Variants in CAPN12 observed in about 807,000 individuals in gnomAD.
CAPN12 encodes calpain-12.
CAPN12 carries 107 observed loss-of-function variants against 95.0 expected under a neutral mutation model. That is an observed-to-expected ratio of 1.13 (90% CI 0.96 to 1.32). The LOEUF (loss-of-function observed/expected upper bound fraction) is 1.32, where lower values mean the gene tolerates loss of function less well. CAPN12 is among the 40% of genes most tolerant of loss of function. The probability of loss-of-function intolerance (pLI) is 0.00; values close to 1 mark genes in which losing one functional copy is unlikely to be tolerated. For synonymous variants in CAPN12, 505 were observed against 415.5 expected (o/e 1.22, Z -2.62); for missense variants, 1,136 against 997.8 (o/e 1.14, Z -1.87).
In CAPN12 at chr19:38,744,356, G is replaced by A; in HGVS notation, c.-191C>T. On this transcript the variant is annotated 5_prime_UTR_variant, in exon 1 of 21. Coordinates refer to ENST00000328867, the MANE Select transcript of CAPN12 (RefSeq NM_144691.4). Reference sequence around the variant, plus strand: ...TCAGTAGCTTTCTTCCCAGGGCGTGGGGCCTTCAGTTGTGGCCAAGGTAGC... The same window carrying A: ...TCAGTAGCTTTCTTCCCAGGGCGTGAGGCCTTCAGTTGTGGCCAAGGTAGC... 1.6e-6 allele frequency: 1 copy of A among 621,480 alleles called. No individual in the cohort carries two copies. Among genetic ancestry groups the A allele is most frequent in the Admixed American group, 2.8e-5 (1 of 35,114 alleles). The allele number at this position is 621,480 out of a possible 1,614,324, so 38.5% of individuals were successfully genotyped here. A position where few individuals can be genotyped will look rare whatever the true frequency, so the allele number is the denominator to read the frequency against.
chr19:38,744,453 G>C lies in CAPN12; in HGVS notation c.-288C>G. On this transcript the variant is annotated 5_prime_UTR_variant, in exon 1 of 21. Coordinates refer to ENST00000328867, the MANE Select transcript of CAPN12 (RefSeq NM_144691.4). ...GAGGGAGGACCGGCTGCCGCTGTCA[G>C]AGCACCAAGAAGGAGGTCAGTGTGG... 2 of 509,182 alleles carry C rather than the reference G, an allele frequency of 3.9e-6. No homozygotes were observed. Among genetic ancestry groups the C allele is most frequent in the Non-Finnish European group, 7.1e-6 (2 of 279,850 alleles). The allele number at this position is 509,182 out of a possible 1,614,324, so 31.5% of individuals were successfully genotyped here. A position where few individuals can be genotyped will look rare whatever the true frequency, so the allele number is the denominator to read the frequency against.
At position 38,740,336 on chromosome 19, in the gene CAPN12, G is replaced by A; in HGVS notation, c.561-117C>T. 2.7e-6 allele frequency: 3 copies of A among 1,122,294 alleles called. No individual in the cohort carries two copies. The South Asian group carries it at 5.1e-5, about 19-fold the overall frequency. The allele number at this position is 1,122,294 out of a possible 1,614,324, so 69.5% of individuals were successfully genotyped here. ...TGTGGAATCCCCAGGGGAAATTCCT[G>A]AAGTTTTGAGACTTTTTCCAGGGTC... On this transcript the variant is annotated intron_variant, in intron 4 of 20. Coordinates refer to ENST00000328867, the MANE Select transcript of CAPN12 (RefSeq NM_144691.4).
chr19:38,742,772 G>A (rs1266646288), intron 2 of CAPN12, among the ~76,000 whole-genome samples: 1 of 145,768 alleles, frequency 6.9e-6, no homozygotes, highest in Non-Finnish European at 1.5e-5. Context: ...GATTGCTTGA[G>A]TCCAGGAGGT....
At chr19:38,735,026 CG>C (rs1969918195) in intron 14 of CAPN12, 156 bp from the exon 15 acceptor site, 22 of 677,798 alleles carry the variant, frequency 3.2e-5, no homozygotes, top group Admixed American at 1.7e-4. Context: ...AGGGCTGTGA[CG>C]GGGGAAGCAC....
Position 38,730,345 on chromosome 19 carries a change from G to A in CAPN12, c.*507C>T, listed in dbSNP as rs372094916. On this transcript the variant is annotated 3_prime_UTR_variant, in exon 21 of 21. Transcript: ENST00000328867. ...GCTGATGCTCCTCCGGGTCTGCGTC[G>A]GGCGTGGGTCTCTGGGGACCCTCCA... The A allele has an allele frequency of 7.1e-5, 12 of 169,874 alleles. No individual in the cohort carries two copies. The South Asian group carries it at 1.1e-3, about 15-fold the overall frequency. The allele number at this position is 169,874 out of a possible 1,614,324, so 10.5% of individuals were successfully genotyped here.
chr19:38,734,928 G>T, intron 14 of CAPN12, 58 bp from the exon 15 acceptor site: 1 of 1,558,202 alleles, frequency 6.4e-7, no homozygotes, highest in Non-Finnish European at 8.8e-7. Context: ...TCTGGGCCAA[G>T]CCCTGTGCTA....
rs759276437 is a variant in CAPN12 at position 38,733,755 on chromosome 19, GTCC to G, written c.1902_1904del (p.Glu634del). The G allele has an allele frequency of 2.8e-5, 45 of 1,613,660 alleles. No individual in the cohort carries two copies. The African/African-American group carries it at 4.8e-4, about 17-fold the overall frequency. ...CGTAGGAGTTCATGGTTCCAGAGGT[GTCC>G]TCATCGAACTTGTTAAATATGGCCT... On this transcript the variant is annotated inframe_deletion, in exon 18 of 21. Transcript: ENST00000328867.
intron 18 of CAPN12, 116 bp downstream of exon 18, chr19:38,733,587 T>A: frequency 1.1e-6 from 1 of 899,622 alleles, no homozygotes; most frequent in Non-Finnish European, 1.8e-6. Context: ...AGCTAAGGTG[T>A]GGGCCTGTGG....
chr19:38,737,654 G>C lies in CAPN12; in HGVS notation c.966-16C>G. 1 of 1,558,052 alleles carries C rather than the reference G, an allele frequency of 6.4e-7. No individual in the cohort carries two copies. The highest frequency in any genetic ancestry group is 1.2e-5 in the South Asian group (1 of 83,512). ...CAGCTCCATCCTGCACGGTGGCCCA[G>C]TCAGACCCTGCCCGGCCCCACCTCG... On this transcript the variant is annotated splice_polypyrimidine_tract_variant and intron_variant, in intron 8 of 20. Transcript: ENST00000328867.
At chr19:38,732,766 G>A (rs1303568616) in intron 18 of CAPN12, among the ~76,000 whole-genome samples, 1 of 150,158 alleles carries the variant, frequency 6.7e-6, no homozygotes, top group Non-Finnish European at 1.5e-5. Context: ...GGCTCCATCT[G>A]CTGTGTGGTG....
In CAPN12 at chr19:38,730,430, CTTTTTTTT is replaced by C. The variant is rs1202093647; in HGVS notation, c.*414_*421del. 5.7e-6 allele frequency: 1 copy of C among 175,422 alleles called. No individual in the cohort carries two copies. The highest frequency in any genetic ancestry group is 1.2e-5 in the Non-Finnish European group (1 of 82,712). The allele number at this position is 175,422 out of a possible 1,614,324, so 10.9% of individuals were successfully genotyped here. On this transcript the variant is annotated 3_prime_UTR_variant, in exon 21 of 21. Transcript: ENST00000328867. ...TGGTTGATGGTTTTGCTCCCCCTAC[CTTTTTTTT>C]TTGAGTTTATTCTGATTGATTTTTT...
In CAPN12 at chr19:38,736,604, G is replaced by GA. The variant is rs771516755; in HGVS notation, c.1363-42_1363-41insT. The GA allele has an allele frequency of 4.3e-3, 6,793 of 1,580,720 alleles. 134 individuals carry two copies. Among genetic ancestry groups the GA allele is most frequent in the Non-Finnish European group, 5.0e-3 (5,780 of 1,161,978 alleles). ...GCAAGGGGCGTCGGGGCAGGGGAGA[G>GA]GTGGCCGCCGCTCAGGGTCTCCTCC... On this transcript the variant is annotated intron_variant, in intron 10 of 20. Transcript: ENST00000328867.
intron 17 of CAPN12, 39 bp from the exon 18 acceptor site, chr19:38,733,820 C>A: frequency 6.5e-7 from 1 of 1,539,854 alleles, no homozygotes; most frequent in South Asian, 1.1e-5. Context: ...CCTCCATGCC[C>A]TGAAGAGGGC....
chr19:38,736,341 A>C (rs1007999041), intron 11 of CAPN12, 23 bp from the exon 12 acceptor site: 1 of 1,455,144 alleles, frequency 6.9e-7, no homozygotes, highest in East Asian at 2.7e-5. Flanking sequence ...CGGCATGACC[A>C]CGGACCAGGC....
At chr19:38,732,679 C>A (rs914636786) in intron 18 of CAPN12, among the ~76,000 whole-genome samples, 2 of 152,194 alleles carry the variant, frequency 1.3e-5, no homozygotes, top group African/African-American at 4.8e-5. Flanking sequence ...CTGGGTCTCA[C>A]ACTCACAGCC....
intron 12 of CAPN12, 26 bp from the exon 13 acceptor site, chr19:38,735,570 G>C (rs187143708): frequency 4.4e-6 from 7 of 1,606,436 alleles, no homozygotes; most frequent in Non-Finnish European, 5.9e-6. Flanking sequence ...GGGAAGTGGG[G>C]AGGGGGCTGT....
chr19:38,733,361 A>G (rs973561619), intron 18 of CAPN12: 1 of 268,018 alleles, frequency 3.7e-6, no homozygotes, highest in Non-Finnish European at 7.1e-6. Context: ...GTGCACCAGA[A>G]TCCAGAACAT....
At chr19:38,739,871 G>A in intron 5 of CAPN12, 180 bp downstream of exon 5, 1 of 582,036 alleles carries the variant, frequency 1.7e-6, no homozygotes, top group Non-Finnish European at 2.8e-6. Context: ...GGATCCAGCT[G>A]TGCCTGAAGC....
intron 5 of CAPN12, chr19:38,739,095 C>T (rs1172478716): frequency 1.0e-5 from 2 of 197,804 alleles, no homozygotes; most frequent in Non-Finnish European, 2.1e-5. Flanking sequence ...GACACTACTG[C>T]ACTCTGGCCT....
Sources: allele counts gnomAD v4.1 joint callset (sites outside exome capture counted in the v4.1 genomes callset), GRCh38; gene constraint gnomAD v4.1.1; transcripts MANE v1.5; gene names NCBI Gene and HGNC (gene_info 2026-07-23, HGNC 2026-07-21).